The following TASP1 variants were observed in gnomAD, a reference collection of about 807,000 sequenced individuals.
TASP1 encodes the protein taspase 1, also known as threonine aspartase 1.
TASP1 carries 16 observed loss-of-function variants against 56.6 expected under a neutral mutation model. That is an observed-to-expected ratio of 0.28 (90% confidence interval 0.19 to 0.43). The LOEUF is 0.43. TASP1 is among the 20% of genes least tolerant of loss of function. The pLI is 1.00. For missense variants in TASP1, 393 were observed against 511.6 expected, an observed-to-expected ratio of 0.77 and a Z score of 2.24; for synonymous variants, 179 against 184.2, an observed-to-expected ratio of 0.97 and a Z score of 0.23.
intron 6 of TASP1, among the ~76,000 whole-genome samples, chr20:13,574,078 A>C (rs1568600048): frequency 1.3e-5 from 2 of 152,140 alleles, no homozygotes; most frequent in Non-Finnish European, 2.9e-5. Context: ...AATGTGTAAG[A>C]AGAAATTACC....
the TASP1 span, among the ~76,000 whole-genome samples, chr20:13,172,244 A>C: frequency 6.6e-6 from 1 of 152,046 alleles, no homozygotes; most frequent in Non-Finnish European, 1.5e-5. Flanking sequence ...CCTTCATAAA[A>C]TTTTTACTAT....
intron 10 of TASP1, among the ~76,000 whole-genome samples, chr20:13,516,818 C>G (rs1420916731): frequency 2.0e-5 from 3 of 152,042 alleles, no homozygotes; most frequent in African/African-American, 7.2e-5. Flanking sequence ...ATCACTTTAT[C>G]CATTATATCC....
At chr20:13,533,729 G>A (rs1236004134) in intron 9 of TASP1, among the ~76,000 whole-genome samples, 1 of 152,114 alleles carries the variant, frequency 6.6e-6, no homozygotes, top group Non-Finnish European at 1.5e-5. Flanking sequence ...AATGGAAACT[G>A]GCACACATTT....
At chr20:13,450,012 T>C (rs533177959) in intron 11 of TASP1, among the ~76,000 whole-genome samples, 3 of 152,112 alleles carry the variant, frequency 2.0e-5, no homozygotes, top group African/African-American at 4.8e-5. Flanking sequence ...ACAACTTCAA[T>C]AGAGCAAATA....
chr20:13,505,455 GAT>G (rs369483888), intron 10 of TASP1, among the ~76,000 whole-genome samples: 4 of 152,094 alleles, frequency 2.6e-5, no homozygotes, highest in African/African-American at 9.6e-5. Context: ...CAAATATACA[GAT>G]AGCCAGCTCA....
chr20:13,468,384 T>C (rs576460684), intron 11 of TASP1, among the ~76,000 whole-genome samples: 2 of 152,256 alleles, frequency 1.3e-5, no homozygotes, highest in African/African-American at 4.8e-5. Context: ...ATTCATAAAA[T>C]GTTAAGAATA....
chr20:13,543,852 T>C (rs1337974561), intron 8 of TASP1, among the ~76,000 whole-genome samples: 2 of 152,254 alleles, frequency 1.3e-5, no homozygotes, highest in East Asian at 3.8e-4. Context: ...AATTTGGACA[T>C]GTGATCCAAA....
intron 9 of TASP1, among the ~76,000 whole-genome samples, chr20:13,529,057 T>A (rs2045107583): frequency 6.6e-6 from 1 of 152,116 alleles, no homozygotes; most frequent in Non-Finnish European, 1.5e-5. Flanking sequence ...TTTCCATGTC[T>A]GTGTTGACGT....
chr20:13,296,939 AC>A, the TASP1 span, among the ~76,000 whole-genome samples: 2 of 151,734 alleles, frequency 1.3e-5, no homozygotes, highest in African/African-American at 4.8e-5. Flanking sequence ...AATTGCTTGA[AC>A]CCGGGCAGCA....
chr20:13,528,140 T>C (rs537066301), intron 10 of TASP1, among the ~76,000 whole-genome samples: 1 of 146,778 alleles, frequency 6.8e-6, no homozygotes, highest in Admixed American at 7.0e-5. Flanking sequence ...TGAGAATCAC[T>C]TGAACCTGGG....
At chr20:13,270,882 C>A in the TASP1 span, 2 of 784,716 alleles carry the variant, frequency 2.5e-6, no homozygotes, top group South Asian at 3.5e-5. Context: ...CATGTTATCT[C>A]CATAAGAACA....
chr20:13,357,466 A>G, the TASP1 span, among the ~76,000 whole-genome samples: 1 of 152,236 alleles, frequency 6.6e-6, no homozygotes, highest in Non-Finnish European at 1.5e-5. Flanking sequence ...CTGAAGAGAA[A>G]AGACAACAAA....
intron 2 of TASP1, among the ~76,000 whole-genome samples, chr20:13,626,560 G>A (rs950662854): frequency 2.0e-5 from 3 of 152,168 alleles, no homozygotes; most frequent in African/African-American, 7.2e-5. Context: ...CCTCAAGGTA[G>A]AGAAAGCACT....
At chr20:13,392,355 C>G (rs1270254243) in intron 13 of TASP1, among the ~76,000 whole-genome samples, 1 of 152,106 alleles carries the variant, frequency 6.6e-6, no homozygotes, top group Non-Finnish European at 1.5e-5. Flanking sequence ...GACCAGGCAC[C>G]CAACTCAACT....
chr20:13,240,930 C>T, the TASP1 span, among the ~76,000 whole-genome samples: 10 of 152,160 alleles, frequency 6.6e-5, no homozygotes, highest in African/African-American at 2.2e-4. Flanking sequence ...TATGAGATGC[C>T]TCTGGGACAT....
the TASP1 span, among the ~76,000 whole-genome samples, chr20:13,110,704 G>C: frequency 6.6e-6 from 1 of 152,096 alleles, no homozygotes; most frequent in Non-Finnish European, 1.5e-5. Context: ...CCCCAAGGTA[G>C]GAGTAACCTG....
the TASP1 span, among the ~76,000 whole-genome samples, chr20:13,182,535 C>T: frequency 6.6e-6 from 1 of 152,170 alleles, no homozygotes; most frequent in Non-Finnish European, 1.5e-5. Flanking sequence ...GGAATACCCT[C>T]AACCTCCTCA....
chr20:13,633,944 T>C (rs1197601862), intron 1 of TASP1, among the ~76,000 whole-genome samples: 2 of 152,174 alleles, frequency 1.3e-5, no homozygotes, highest in African/African-American at 2.4e-5. Context: ...AAATTCATCA[T>C]GATTATTTCT....
chr20:13,538,703 C>G (rs1254093901), intron 8 of TASP1, among the ~76,000 whole-genome samples: 1 of 152,196 alleles, frequency 6.6e-6, no homozygotes, highest in Non-Finnish European at 1.5e-5. Flanking sequence ...CATCCAACAG[C>G]AGGGCCACTG....
Sources: gnomAD v4.1 joint callset for allele counts (sites outside exome capture counted in the v4.1 genomes callset) on GRCh38, gnomAD v4.1.1 for gene constraint, MANE v1.5 for transcripts, NCBI Gene and HGNC (gene_info 2026-07-23, HGNC 2026-07-21) for gene names.